CNTNAP2: variants seen among roughly 807,000 people sequenced by gnomAD.
CNTNAP2 encodes the protein contactin associated protein 2, also known as contactin-associated protein-like 2.
A neutral mutation model predicts 155.2 loss-of-function variants in CNTNAP2; 98 were observed. That is an observed-to-expected ratio of 0.63 (90% confidence interval 0.54 to 0.75). CNTNAP2 has a LOEUF of 0.75. Among genes scored for constraint, CNTNAP2 ranks in the 30% least tolerant of loss-of-function variants. CNTNAP2 has a pLI of 0.00. For missense variants in CNTNAP2, 1,727 were observed against 1,688.1 expected (o/e 1.02, Z -0.40); for synonymous variants, 651 against 631.2 (o/e 1.03, Z -0.47).
At chr7:147,930,056 C>A (rs542174884) in intron 14 of CNTNAP2, among the ~76,000 whole-genome samples, 1 of 151,964 alleles carries the variant, frequency 6.6e-6, no homozygotes, top group Non-Finnish European at 1.5e-5. Flanking sequence ...TGGTTCCTAA[C>A]AGGCCACAGA....
chr7:147,034,573 A>G (rs1799110171), intron 3 of CNTNAP2, among the ~76,000 whole-genome samples: 1 of 152,210 alleles, frequency 6.6e-6, no homozygotes, highest in Non-Finnish European at 1.5e-5. Context: ...CTGCAAGGAC[A>G]GAGAGCTTTC....
intron 13 of CNTNAP2, among the ~76,000 whole-genome samples, chr7:147,887,799 G>C (rs1186721602): frequency 6.6e-6 from 1 of 152,132 alleles, no homozygotes; most frequent in Non-Finnish European, 1.5e-5. Context: ...TACAAAAGAA[G>C]ATAATGTAAA....
intron 8 of CNTNAP2, among the ~76,000 whole-genome samples, chr7:147,173,819 A>C (rs12703880): frequency 0.082 from 12,513 of 152,204 alleles, 545 homozygotes; most frequent in Middle Eastern, 0.11. Flanking sequence ...GGGACTCTGC[A>C]CACGTTGCTG....
intron 2 of CNTNAP2, chr7:146,782,259 A>T (rs2129187369): frequency 6.6e-6 from 1 of 152,306 alleles, no homozygotes; most frequent in South Asian, 2.1e-4. Context: ...GATACCTCTC[A>T]GGACGATTTG....
At position 148,005,088 on chromosome 7, in the gene CNTNAP2, A is replaced by G. The variant is rs577684818; in HGVS notation, c.2383+27099A>G. ...ATATTGGGATGCTCTAACATACCAT[A>G]GACTGGGTGGCTTATAAACAACTGA... On this transcript the variant is annotated intron_variant, in intron 15 of 23. Transcript: ENST00000361727. Among the ~76,000 whole-genome samples the G allele has an allele frequency of 8.8e-4, 134 of 152,304 alleles. 1 individual carries two copies. Among genetic ancestry groups the G allele is most frequent in the African/African-American group, 3.2e-3 (131 of 41,580 alleles).
intron 1 of CNTNAP2, among the ~76,000 whole-genome samples, chr7:146,377,885 G>T (rs1795325627): frequency 1.3e-5 from 2 of 152,170 alleles, no homozygotes; most frequent in African/African-American, 2.4e-5. Flanking sequence ...TGATTCAATA[G>T]GCCCAACGTG....
At chr7:147,968,894 G>T (rs766939411) in intron 14 of CNTNAP2, among the ~76,000 whole-genome samples, 4 of 152,146 alleles carry the variant, frequency 2.6e-5, no homozygotes, top group Non-Finnish European at 5.9e-5. Flanking sequence ...CTATAAACTG[G>T]AATAGCTGTC....
chr7:148,254,588 A>G (rs1005725748), intron 20 of CNTNAP2, among the ~76,000 whole-genome samples: 1 of 152,120 alleles, frequency 6.6e-6, no homozygotes, highest in Non-Finnish European at 1.5e-5. Flanking sequence ...CATCCTGGCT[A>G]ACACGGTGAA....
chr7:147,363,070 C>T (rs1226363182), intron 9 of CNTNAP2, among the ~76,000 whole-genome samples: 1 of 152,122 alleles, frequency 6.6e-6, no homozygotes, highest in Non-Finnish European at 1.5e-5. Flanking sequence ...GGGTCTGAAC[C>T]TTCACCTGTG....
At chr7:146,661,482 C>A (rs1425263260) in intron 1 of CNTNAP2, among the ~76,000 whole-genome samples, 2 of 152,106 alleles carry the variant, frequency 1.3e-5, no homozygotes, top group Non-Finnish European at 2.9e-5. Flanking sequence ...CTTTCTGTCT[C>A]TGTAGTTGGA....
At chr7:147,284,742 G>T (rs1563145932) in intron 8 of CNTNAP2, among the ~76,000 whole-genome samples, 1 of 151,868 alleles carries the variant, frequency 6.6e-6, no homozygotes, top group Non-Finnish European at 1.5e-5. Context: ...GCCACTAGGA[G>T]TAAGAAAAAC....
At chr7:147,838,081 TG>T (rs1391964431) in intron 13 of CNTNAP2, among the ~76,000 whole-genome samples, 1 of 152,218 alleles carries the variant, frequency 6.6e-6, no homozygotes, top group Non-Finnish European at 1.5e-5. Flanking sequence ...CTCAATACCA[TG>T]TGGAAGCTGC....
At chr7:147,862,220 A>G (rs1799148585) in intron 13 of CNTNAP2, among the ~76,000 whole-genome samples, 1 of 152,138 alleles carries the variant, frequency 6.6e-6, no homozygotes, top group African/African-American at 2.4e-5. Flanking sequence ...TGCCTGACAC[A>G]TAACTGTGAT....
intron 2 of CNTNAP2, among the ~76,000 whole-genome samples, chr7:146,778,247 A>C (rs1008985843): frequency 6.6e-6 from 1 of 152,202 alleles, no homozygotes; most frequent in Non-Finnish European, 1.5e-5. Flanking sequence ...AAAGTTTATA[A>C]ATACATAGGA....
chr7:146,439,660 A>T (rs1390959348), intron 1 of CNTNAP2, among the ~76,000 whole-genome samples: 1 of 151,334 alleles, frequency 6.6e-6, no homozygotes, highest in Non-Finnish European at 1.5e-5. Context: ...ACAAAACAGA[A>T]TTTTTTCCTT....
rs76153363 is a variant in CNTNAP2 at position 148,338,386 on chromosome 7, T to G, written c.3476-45263T>G. On this transcript the variant is annotated intron_variant, in intron 21 of 23. Coordinates refer to ENST00000361727, the MANE Select transcript of CNTNAP2 (RefSeq NM_014141.6). ...TGAAGCAGGCTCTTCCTGTTGTCCT[T>G]CATTTGGAAAAGACAGAAGAACAGA... Among the ~76,000 whole-genome samples the G allele has an allele frequency of 9.2e-5, 14 of 152,286 alleles. No homozygotes were observed. In the East Asian group the frequency reaches 2.3e-3, roughly 25 times the overall value.
chr7:147,398,567 T>C (rs1272324608), intron 10 of CNTNAP2, among the ~76,000 whole-genome samples: 3 of 147,418 alleles, frequency 2.0e-5, no homozygotes, highest in Non-Finnish European at 3.0e-5. Context: ...GTGTGTTGTA[T>C]TGGAATACCC....
chr7:146,569,934 T>C (rs1356284043), intron 1 of CNTNAP2, among the ~76,000 whole-genome samples: 1 of 152,174 alleles, frequency 6.6e-6, no homozygotes, highest in African/African-American at 2.4e-5. Flanking sequence ...TTTCTATGGA[T>C]CTGACAGTAG....
intron 21 of CNTNAP2, among the ~76,000 whole-genome samples, chr7:148,351,289 G>A (rs1798419631): frequency 6.6e-6 from 1 of 152,068 alleles, no homozygotes; most frequent in Non-Finnish European, 1.5e-5. Flanking sequence ...AGTTGGTCAG[G>A]TAAGGCCTCC....
Sources: allele counts gnomAD v4.1 joint callset (sites outside exome capture counted in the v4.1 genomes callset), GRCh38; gene constraint gnomAD v4.1.1; transcripts MANE v1.5; gene names NCBI Gene and HGNC (gene_info 2026-07-23, HGNC 2026-07-21).